The following UNC5D variants were observed in gnomAD, a reference collection of about 807,000 sequenced individuals.
UNC5D encodes netrin receptor UNC5D.
A neutral mutation model predicts 105.4 loss-of-function variants in UNC5D; 39 were observed. The observed-to-expected ratio is 0.37, with a 90% CI of 0.29 to 0.48. UNC5D has a LOEUF of 0.48. Ranked by LOEUF, UNC5D falls within the 20% of genes least tolerant of loss-of-function variation. UNC5D has a pLI of 0.98. For synonymous variants in UNC5D, 452 were observed against 450.4 expected (o/e 1.00, Z -0.04); for missense variants, 991 against 1,202.4 (o/e 0.82, Z 2.60).
intron 16 of UNC5D, among the ~76,000 whole-genome samples, chr8:35,789,084 T>G (rs528361750): frequency 7.2e-6 from 1 of 139,150 alleles, no homozygotes; most frequent in African/African-American, 2.6e-5. Flanking sequence ...AAGTGTTACC[T>G]AACTCAGGGT....
intron 1 of UNC5D, among the ~76,000 whole-genome samples, chr8:35,358,894 G>A (rs1801705948): frequency 6.6e-6 from 1 of 152,078 alleles, no homozygotes; most frequent in Non-Finnish European, 1.5e-5. Flanking sequence ...AGCTTTTATT[G>A]GCACTGGGTT....
intron 1 of UNC5D, among the ~76,000 whole-genome samples, chr8:35,259,545 C>T (rs1199536752): frequency 2.0e-5 from 3 of 152,152 alleles, no homozygotes; most frequent in African/African-American, 7.2e-5. Context: ...AACTACTCCC[C>T]ATCACGTTGG....
intron 1 of UNC5D, among the ~76,000 whole-genome samples, chr8:35,274,906 A>G (rs553783138): frequency 1.3e-5 from 2 of 152,146 alleles, no homozygotes; most frequent in South Asian, 2.1e-4. Context: ...CCTGGCCAAC[A>G]TGGTGAAACC....
At chr8:35,774,524 G>A (rs1345858750) in intron 16 of UNC5D, 47 bp downstream of exon 16, 2 of 1,602,282 alleles carry the variant, frequency 1.2e-6, no homozygotes, top group Admixed American at 1.7e-5. Context: ...AGAGAACTTG[G>A]AAACATAAAG....
chr8:35,460,791 TC>T (rs1808831325), intron 1 of UNC5D, among the ~76,000 whole-genome samples: 1 of 152,216 alleles, frequency 6.6e-6, no homozygotes, highest in Non-Finnish European at 1.5e-5. Context: ...CTTGCTGTGT[TC>T]TGGGCATATG....
chr8:35,686,064 T>C (rs147310760), intron 6 of UNC5D, among the ~76,000 whole-genome samples: 623 of 152,196 alleles, frequency 4.1e-3, no homozygotes, highest in African/African-American at 0.013. Context: ...CTGACCTGTT[T>C]TAGTTTAATA....
intron 4 of UNC5D, among the ~76,000 whole-genome samples, chr8:35,657,080 G>GTGTGTATATATATA (rs1281641556): frequency 4.3e-5 from 2 of 46,518 alleles, no homozygotes; most frequent in East Asian, 1.2e-3. Flanking sequence ...GTGTGTGTGT[G>GTGTGTATATATATA]TATATATATA....
intron 1 of UNC5D, among the ~76,000 whole-genome samples, chr8:35,427,329 G>A (rs1358573000): frequency 6.6e-6 from 1 of 152,182 alleles, no homozygotes; most frequent in East Asian, 1.9e-4. Flanking sequence ...ATAGACAATT[G>A]AGTGCTGGTC....
chr8:35,382,928 G>T (rs372148750), intron 1 of UNC5D, among the ~76,000 whole-genome samples: 1 of 152,098 alleles, frequency 6.6e-6, no homozygotes, highest in Non-Finnish European at 1.5e-5. Flanking sequence ...TACTTTTCAC[G>T]CAAGTCCCAG....
At chr8:35,338,750 G>A (rs994698006) in intron 1 of UNC5D, among the ~76,000 whole-genome samples, 25 of 152,026 alleles carry the variant, frequency 1.6e-4, no homozygotes, top group Admixed American at 1.2e-3. Context: ...CTTCTTCCTC[G>A]CCTTCTGCCT....
chr8:35,418,010 A>G (rs1373086164), intron 1 of UNC5D, among the ~76,000 whole-genome samples: 1 of 152,282 alleles, frequency 6.6e-6, no homozygotes, highest in East Asian at 1.9e-4. Context: ...AGCTAGTTTA[A>G]ATCAGGTTGA....
chr8:35,612,607 A>C (rs1192339380), intron 4 of UNC5D, among the ~76,000 whole-genome samples: 1 of 152,054 alleles, frequency 6.6e-6, no homozygotes, highest in African/African-American at 2.4e-5. Flanking sequence ...GGGGTTTTAC[A>C]TCTTTTTGGG....
chr8:35,543,860 G>T (rs1815448892), intron 1 of UNC5D, among the ~76,000 whole-genome samples: 1 of 152,166 alleles, frequency 6.6e-6, no homozygotes, highest in Non-Finnish European at 1.5e-5. Context: ...TGTAAGTGAA[G>T]AAGTGACTCA....
At chr8:35,327,074 T>G (rs749401430) in intron 1 of UNC5D, among the ~76,000 whole-genome samples, 4 of 152,186 alleles carry the variant, frequency 2.6e-5, no homozygotes, top group Admixed American at 1.3e-4. Context: ...TATATTTCTA[T>G]GAAATGCAAA....
chr8:35,529,946 CTGAGACAA>C (rs956850809), intron 1 of UNC5D, among the ~76,000 whole-genome samples: 1 of 150,998 alleles, frequency 6.6e-6, no homozygotes, highest in African/African-American at 2.4e-5. Context: ...AGATTTTGGG[CTGAGACAA>C]TGGGGTTTTC....
intron 11 of UNC5D, among the ~76,000 whole-genome samples, chr8:35,742,883 C>G (rs769878928): frequency 6.6e-6 from 1 of 152,122 alleles, no homozygotes; most frequent in Non-Finnish European, 1.5e-5. Context: ...GGACCATCAC[C>G]CTGTCACCAA....
chr8:35,533,435 C>T, intron 1 of UNC5D, among the ~76,000 whole-genome samples: 1 of 152,020 alleles, frequency 6.6e-6, no homozygotes, highest in Admixed American at 6.6e-5. Flanking sequence ...CTGGGAGAAC[C>T]ACTGCTCTCT....
intron 1 of UNC5D, among the ~76,000 whole-genome samples, chr8:35,303,728 G>T (rs545204365): frequency 1.3e-5 from 2 of 152,252 alleles, no homozygotes; most frequent in African/African-American, 2.4e-5. Flanking sequence ...TTGTTTATGG[G>T]TTTTGAAGAG....
intron 1 of UNC5D, among the ~76,000 whole-genome samples, chr8:35,511,494 A>T (rs111900826): frequency 0.14 from 20,947 of 149,520 alleles, 1,863 homozygotes; most frequent in East Asian, 0.24. Context: ...AAAAAAAAAA[A>T]AGGTCTTAAT....
Sources: gnomAD v4.1 joint callset for allele counts (sites outside exome capture counted in the v4.1 genomes callset) on GRCh38, gnomAD v4.1.1 for gene constraint, MANE v1.5 for transcripts, NCBI Gene and HGNC (gene_info 2026-07-23, HGNC 2026-07-21) for gene names.